The following PPP1R9A variants were observed in gnomAD, a reference collection of about 807,000 sequenced individuals.
The protein encoded by PPP1R9A is protein phosphatase 1 regulatory subunit 9A.
PPP1R9A carries 59 observed loss-of-function variants against 141.9 expected under a neutral mutation model. The observed-to-expected ratio is 0.42, with a 90% CI of 0.34 to 0.52. The LOEUF is 0.52. Ranked by LOEUF, PPP1R9A falls within the 20% of genes least tolerant of loss-of-function variation. The pLI is 0.10. For missense variants in PPP1R9A, 1,444 were observed against 1,611.9 expected, an observed-to-expected ratio of 0.90 and a Z score of 1.78; for synonymous variants, 500 against 569.7, an observed-to-expected ratio of 0.88 and a Z score of 1.74.
At chr7:94,954,834 C>CGTGTGT (rs66968535) in intron 2 of PPP1R9A, among the ~76,000 whole-genome samples, 1 of 146,326 alleles carries the variant, frequency 6.8e-6, no homozygotes, top group Non-Finnish European at 1.5e-5. Flanking sequence ...TGTAAATATG[C>CGTGTGT]GTGTGTGTGT....
chr7:95,116,653 G>A (rs1291289149), intron 3 of PPP1R9A, among the ~76,000 whole-genome samples: 3 of 152,162 alleles, frequency 2.0e-5, no homozygotes, highest in Admixed American at 1.3e-4. Flanking sequence ...TGGGTTGGGA[G>A]AGGAGAATTG....
chr7:95,042,857 T>C (rs1357808828), intron 2 of PPP1R9A, among the ~76,000 whole-genome samples: 1 of 152,186 alleles, frequency 6.6e-6, no homozygotes, highest in East Asian at 1.9e-4. Context: ...AAACAGAGTT[T>C]AGCTGATGAC....
At chr7:95,273,240 A>G (rs1269600700) in intron 14 of PPP1R9A, among the ~76,000 whole-genome samples, 2 of 152,236 alleles carry the variant, frequency 1.3e-5, no homozygotes, top group Non-Finnish European at 2.9e-5. Context: ...AAGGGGAACC[A>G]GCCAAGTTTT....
In PPP1R9A at chr7:95,233,730, G is replaced by C. The variant is rs929316897; in HGVS notation, c.2112+7614G>C. On this transcript the variant is annotated intron_variant, in intron 8 of 19. Coordinates refer to ENST00000433360, the MANE Select transcript of PPP1R9A (RefSeq NM_001166160.2). ...ACCGGGAAGGGACATAACAAAAAAA[G>C]AAAACTACAGACCAACATCCCTGAT... Among the ~76,000 whole-genome samples, 6 of 151,998 alleles carry C rather than the reference G, an allele frequency of 3.9e-5. No individual in the cohort carries two copies. The South Asian group carries it at 1.2e-3, about 32-fold the overall frequency.
chr7:95,112,069 A>T (rs1409226706), intron 3 of PPP1R9A, among the ~76,000 whole-genome samples: 5 of 152,088 alleles, frequency 3.3e-5, no homozygotes, highest in Admixed American at 3.3e-4. Flanking sequence ...CAAACAGATG[A>T]TGACTTGAAT....
intron 5 of PPP1R9A, among the ~76,000 whole-genome samples, chr7:95,171,382 TGTG>T (rs1832087656): frequency 6.6e-6 from 1 of 151,554 alleles, no homozygotes; most frequent in Non-Finnish European, 1.5e-5. Flanking sequence ...AGAGCACTAG[TGTG>T]GTTATATTGA....
intron 2 of PPP1R9A, among the ~76,000 whole-genome samples, chr7:94,957,462 A>G (rs929986848): frequency 1.3e-5 from 2 of 152,102 alleles, no homozygotes; most frequent in South Asian, 4.1e-4. Context: ...TTCTTGGAGT[A>G]CATATGGGAG....
intron 4 of PPP1R9A, among the ~76,000 whole-genome samples, chr7:95,133,724 T>TCTTG (rs1222241096): frequency 2.0e-5 from 3 of 151,936 alleles, no homozygotes; most frequent in African/African-American, 7.3e-5. Context: ...GGAGACAGAG[T>TCTTG]CTTGCCCTGT....
intron 2 of PPP1R9A, among the ~76,000 whole-genome samples, chr7:94,945,471 G>A (rs995427485): frequency 3.3e-5 from 5 of 151,954 alleles, no homozygotes; most frequent in Admixed American, 6.6e-5. Flanking sequence ...GTGGATGTCC[G>A]GGTCATTGAA....
intron 3 of PPP1R9A, among the ~76,000 whole-genome samples, chr7:95,119,397 A>G (rs1822116065): frequency 6.6e-6 from 1 of 152,254 alleles, no homozygotes; most frequent in Non-Finnish European, 1.5e-5. Flanking sequence ...CTCACCATGA[A>G]ATATTATTCA....
chr7:95,246,715 G>A (rs1053471077), intron 8 of PPP1R9A, among the ~76,000 whole-genome samples: 4 of 151,912 alleles, frequency 2.6e-5, no homozygotes, highest in African/African-American at 9.7e-5. Flanking sequence ...TTAAATTTGG[G>A]AGTATTTATT....
chr7:95,025,518 T>G (rs1385734928), intron 2 of PPP1R9A, among the ~76,000 whole-genome samples: 1 of 152,140 alleles, frequency 6.6e-6, no homozygotes, highest in East Asian at 1.9e-4. Flanking sequence ...TTTCCTTTAT[T>G]TCAACCTTGG....
intron 5 of PPP1R9A, among the ~76,000 whole-genome samples, chr7:95,186,674 A>G (rs1834704067): frequency 6.6e-6 from 1 of 151,962 alleles, no homozygotes; most frequent in East Asian, 1.9e-4. Flanking sequence ...GGCTTTTATT[A>G]CCTTAAGGTA....
intron 4 of PPP1R9A, among the ~76,000 whole-genome samples, chr7:95,139,156 C>T (rs913457939): frequency 1.3e-5 from 2 of 152,236 alleles, no homozygotes; most frequent in South Asian, 2.1e-4. Flanking sequence ...TAAATGAAAG[C>T]GGTTTAATTG....
At chr7:94,972,524 T>C (rs1798967928) in intron 2 of PPP1R9A, among the ~76,000 whole-genome samples, 1 of 152,106 alleles carries the variant, frequency 6.6e-6, no homozygotes, top group Admixed American at 6.6e-5. Context: ...TTTCTCAACC[T>C]TCAATTTGTC....
At chr7:95,054,982 A>G (rs1811321684) in intron 2 of PPP1R9A, among the ~76,000 whole-genome samples, 1 of 152,178 alleles carries the variant, frequency 6.6e-6, no homozygotes, top group Non-Finnish European at 1.5e-5. Context: ...CTGATGAATT[A>G]TATGTCATGG....
At chr7:95,257,523 T>TA (rs914087537) in intron 12 of PPP1R9A, among the ~76,000 whole-genome samples, 42 of 152,182 alleles carry the variant, frequency 2.8e-4, no homozygotes, top group African/African-American at 9.4e-4. Context: ...TCTTTTTTTT[T>TA]TTATTATTAT....
intron 2 of PPP1R9A, among the ~76,000 whole-genome samples, chr7:95,108,309 T>A (rs1370154651): frequency 9.3e-6 from 1 of 107,560 alleles, no homozygotes; most frequent in Non-Finnish European, 1.8e-5. Flanking sequence ...TTTCTTTTCT[T>A]TTTTTTTTTT....
At chr7:94,932,480 G>C (rs981179535) in intron 2 of PPP1R9A, among the ~76,000 whole-genome samples, 7 of 152,256 alleles carry the variant, frequency 4.6e-5, no homozygotes, top group African/African-American at 1.7e-4. Flanking sequence ...TGCTAAGTTT[G>C]TTAGAATTGA....
Sources: gnomAD v4.1 joint callset for allele counts (sites outside exome capture counted in the v4.1 genomes callset) on GRCh38, gnomAD v4.1.1 for gene constraint, MANE v1.5 for transcripts, NCBI Gene and HGNC (gene_info 2026-07-23, HGNC 2026-07-21) for gene names.